The following PLD4 variants were observed in gnomAD, a reference collection of about 807,000 sequenced individuals.
PLD4 encodes the protein 5'-3' exonuclease PLD4.
In PLD4, 54 loss-of-function variants were observed where a neutral mutation model predicts 52.3. That is an observed-to-expected ratio of 1.03 (90% CI 0.83 to 1.30). The LOEUF is 1.30. Ranked by LOEUF, PLD4 falls within the 50% of genes most tolerant of loss-of-function variation. The pLI is 0.00. For synonymous variants in PLD4, 264 were observed against 286.5 expected (o/e 0.92, Z 0.79); for missense variants, 731 against 671.1 (o/e 1.09, Z -0.99).
chr14:104,933,267 G>A (rs1897721314), downstream of PLD4: 3 of 320,786 alleles, frequency 9.4e-6, no homozygotes, highest in Non-Finnish European at 1.7e-5. Context: ...CCGCGCGGGC[G>A]GCCCTTCATC....
At position 104,927,174 on chromosome 14, in the gene PLD4, C is replaced by G; in HGVS notation, c.34C>G (p.Pro12Ala). ...GCCTCTTTGGAAAGCAGCAGTGGCCCCCACATGGCCATGCTCCATGCCGCC... is the reference window on the plus strand; with the variant it reads ...GCCTCTTTGGAAAGCAGCAGTGGCCGCCACATGGCCATGCTCCATGCCGCC... Reference protein sequence around the residue: ...LKPLWKAAVAPTWPCSMPPRR... With the variant: ...LKPLWKAAVAATWPCSMPPRR... The change falls in exon 2 of 11, where the codon CCC becomes GCC. Residue 12 changes from proline to alanine, a missense_variant. By Grantham distance (27) the Pro-to-Ala change is conservative (BLOSUM62 -1). Transcript: ENST00000392593. 6.4e-7 allele frequency: 1 copy of G among 1,562,050 alleles called. No homozygotes were observed. The highest frequency in any genetic ancestry group is 8.7e-7 in the Non-Finnish European group (1 of 1,153,486).
rs1291312984 is a variant in PLD4, at chr14:104,932,160, A to C, written c.1207A>C (p.Asn403His). 1 of 1,611,124 alleles carries C rather than the reference A, an allele frequency of 6.2e-7. No homozygotes were observed. Residue 403 changes from asparagine (N) to histidine (H), a missense_variant, in exon 9 of 11, where the codon AAC becomes CAC. Coordinates refer to ENST00000392593, the MANE Select transcript of PLD4 (RefSeq NM_138790.5). This position sits in a 1 kb window ranked among gnomAD's most constrained non-coding sequence, Gnocchi z 6.5. Reference sequence around the variant, plus strand: ...GCAGGCGCTCAGCAACCCCGCGGCCAACGTCTCTGTGGACGTGGTGAGGGC... The same window carrying C: ...GCAGGCGCTCAGCAACCCCGCGGCCCACGTCTCTGTGGACGTGGTGAGGGC... ...SLQALSNPAANVSVDVKVFIV... is the reference protein window; with the variant it reads ...SLQALSNPAAHVSVDVKVFIV...
rs1246660377 is a variant in PLD4, at chr14:104,932,270, C to G, written c.1236C>G (p.Ile412Met). The change falls in exon 10 of 11, where the codon ATC becomes ATG. Residue 412 changes from isoleucine (I) to methionine (M), a missense_variant. Ile to Met is a conservative substitution (Grantham distance 10). Transcript: ENST00000392593. The surrounding 1 kb of genome is among the most constrained non-coding windows in gnomAD (Gnocchi z 6.5). Reference protein sequence around the residue: ...ANVSVDVKVFIVPVGNHSNIP... With the variant: ...ANVSVDVKVFMVPVGNHSNIP... ...TCTGCTCCCCTAAGAAAGTCTTCAT[C>G]GTGCCGGTGGGGAACCATTCCAACA... The G allele has an allele frequency of 6.2e-7, 1 of 1,612,688 alleles. No individual in the cohort carries two copies. Among genetic ancestry groups the G allele is most frequent in the Non-Finnish European group, 8.5e-7 (1 of 1,179,836 alleles).
chr14:104,928,015 A>C, intron 3 of PLD4, 149 bp downstream of exon 3: 1 of 925,294 alleles, frequency 1.1e-6, no homozygotes, highest in Non-Finnish European at 1.6e-6. Context: ...CCACGACCAT[A>C]TGAGCTGGAG....
intron 8 of PLD4, 48 bp from the exon 9 acceptor site, chr14:104,931,964 C>T: frequency 6.5e-7 from 1 of 1,530,540 alleles, no homozygotes; most frequent in Non-Finnish European, 8.8e-7. Context: ...GCTGGGACCC[C>T]TATCGGGCCC....
In PLD4 at chr14:104,928,822, C is replaced by G. The variant is rs745734042; in HGVS notation, c.358C>G (p.Gln120Glu). The G allele has an allele frequency of 3.1e-6, 5 of 1,611,868 alleles. No homozygotes were observed. Among genetic ancestry groups the G allele is most frequent in the Non-Finnish European group, 4.2e-6 (5 of 1,179,242 alleles). ...CAGCCCCTCTGCCCAGCCTCTGGGC[C>G]AGGCCTGGCTGCAGCTGCTGGACAC... ...AGSPSAQPLG[Q>E]AWLQLLDTAQ... The change falls in exon 4 of 11, where the codon CAG becomes GAG. Residue 120 changes from glutamine to glutamate, a missense_variant. Physicochemically the swap from Gln to Glu is conservative, Grantham distance 29. Coordinates refer to ENST00000392593, the MANE Select transcript of PLD4 (RefSeq NM_138790.5).
At chr14:104,930,403 C>T (rs1460721116) in intron 6 of PLD4, among the ~76,000 whole-genome samples, 2 of 152,180 alleles carry the variant, frequency 1.3e-5, no homozygotes, top group South Asian at 2.1e-4. Flanking sequence ...GCATGAAAAA[C>T]GTGTCAGAAT....
chr14:104,927,054 G>A (rs1897478774), intron 1 of PLD4, 87 bp from the exon 2 acceptor site: 1 of 1,278,150 alleles, frequency 7.8e-7, no homozygotes, highest in Non-Finnish European at 1.1e-6. Context: ...CTGTGCAGGG[G>A]TGTCCCCAGT....
At position 104,932,917 on chromosome 14, in the gene PLD4, G is replaced by T; in HGVS notation, c.1474G>T (p.Gly492Cys). Residue 492 changes from glycine to cysteine, a missense_variant, in exon 11 of 11, where the codon GGC (glycine) becomes TGC (cysteine). Physicochemically the swap from Gly to Cys is radical, Grantham distance 159. Transcript: ENST00000392593. This position sits in a 1 kb window ranked among gnomAD's most constrained non-coding sequence, Gnocchi z 6.5. ...ERDWSSRYAV[G>C]LDGQAPGQDC... ...GGACTGGAGTTCGCGCTACGCCGTCGGCCTGGACGGACAGGCTCCGGGCCA... is the reference window on the plus strand; with the variant it reads ...GGACTGGAGTTCGCGCTACGCCGTCTGCCTGGACGGACAGGCTCCGGGCCA... The T allele has an allele frequency of 1.9e-6, 3 of 1,601,690 alleles. No individual in the cohort carries two copies. Among genetic ancestry groups the T allele is most frequent in the Non-Finnish European group, 2.6e-6 (3 of 1,175,316 alleles).
In PLD4 at chr14:104,928,842, G is replaced by A. The variant is rs1346828151; in HGVS notation, c.378G>A (p.Leu126=). Residue 126 remains leucine, a synonymous_variant, in exon 4 of 11, where the codon CTG becomes CTA. Transcript: ENST00000392593. ...TGGGCCAGGCCTGGCTGCAGCTGCT[G>A]GACACTGCCCAGGAGAGCGTCCACG... ...QPLGQAWLQL[L]DTAQESVHVA... is the part of the protein sequence containing the mutation. 9.3e-6 allele frequency: 15 copies of A among 1,612,410 alleles called. No homozygotes were observed. In the Admixed American group the frequency reaches 1.5e-4, roughly 16 times the overall value.
At chr14:104,933,258 C>G (rs1897720947), downstream of PLD4, 2 of 331,916 alleles carry the variant, frequency 6.0e-6, no homozygotes, top group Admixed American at 9.8e-5. Context: ...GTGTGAGTCC[C>G]GCGCGGGCGG....
At chr14:104,926,212 G>C (rs948733363) in intron 1 of PLD4, among the ~76,000 whole-genome samples, 14 of 152,282 alleles carry the variant, frequency 9.2e-5, no homozygotes, top group Middle Eastern at 3.4e-3. Flanking sequence ...ATCCCAGCCA[G>C]GGGCCAGCCA....
At chr14:104,933,441 C>A (rs1402607298), downstream of PLD4, 1 of 153,524 alleles carries the variant, frequency 6.5e-6, no homozygotes, top group Non-Finnish European at 1.4e-5. Context: ...CCTCCCACCC[C>A]GCGCCGGGCT....
At chr14:104,925,839 C>T (rs969508287) in intron 1 of PLD4, among the ~76,000 whole-genome samples, 5 of 152,100 alleles carry the variant, frequency 3.3e-5, no homozygotes, top group African/African-American at 9.7e-5. Flanking sequence ...TGCAGGACCC[C>T]CCAGCGTGGG....
Position 104,931,906 on chromosome 14 carries a change from T to C in PLD4, c.1058+19T>C. 1 of 1,528,566 alleles carries C rather than the reference T, an allele frequency of 6.5e-7. No homozygotes were observed. Among genetic ancestry groups the C allele is most frequent in the East Asian group, 2.3e-5 (1 of 43,152 alleles). 94.7% of individuals were successfully genotyped at this position (1,528,566 alleles called of 1,614,324 possible). A position where few individuals can be genotyped will look rare whatever the true frequency, so the allele number is the denominator to read the frequency against. The stretch of plus-strand genomic sequence containing the variant: ...CCCCGAGGTAGGTCTGAGTGGGAGG[T>C]GGGCGGCCTGCTCTGCTGACGGGCA... On this transcript the variant is annotated intron_variant, in intron 8 of 10. Transcript: ENST00000392593.
chr14:104,931,110 G>A (rs928213680), intron 7 of PLD4, among the ~76,000 whole-genome samples, 168 bp downstream of exon 7: 9 of 152,314 alleles, frequency 5.9e-5, no homozygotes, highest in South Asian at 4.1e-4. Flanking sequence ...GCAGCAAGCA[G>A]GCTGGCATCA....
chr14:104,931,397 G>A (rs954586061), intron 7 of PLD4, among the ~76,000 whole-genome samples: 3 of 152,230 alleles, frequency 2.0e-5, no homozygotes, highest in Middle Eastern at 3.4e-3. Context: ...CCAGCCGAGG[G>A]ACTGGTCTGT....
Position 104,932,497 on chromosome 14 carries a change from G to A in PLD4, c.1321+142G>A. The A allele has an allele frequency of 7.1e-6, 7 of 991,592 alleles. No homozygotes were observed. The highest frequency in any genetic ancestry group is 1.0e-5 in the Non-Finnish European group (7 of 678,654). The allele number at this position is 991,592 out of a possible 1,614,324, so 61.4% of individuals were successfully genotyped here. ...GGACGGGGTCTCCATGGAGTTCCGG[G>A]GACCAGGCCACCCGCCTGTCACCTG... On this transcript the variant is annotated intron_variant, in intron 10 of 10. Coordinates refer to ENST00000392593, the MANE Select transcript of PLD4 (RefSeq NM_138790.5). The surrounding 1 kb of genome is among the most constrained non-coding windows in gnomAD (Gnocchi z 6.5).
downstream of PLD4, chr14:104,935,604 A>G (rs950274959): frequency 3.9e-5 from 6 of 152,222 alleles, no homozygotes; most frequent in Non-Finnish European, 7.3e-5. Flanking sequence ...CCAATAGAAT[A>G]CAGAGGTAAG....
Sources: allele counts gnomAD v4.1 joint callset (sites outside exome capture counted in the v4.1 genomes callset), GRCh38; gene constraint gnomAD v4.1.1; non-coding constraint Gnocchi (gnomAD v3.1); transcripts MANE v1.5; gene names NCBI Gene and HGNC (gene_info 2026-07-23, HGNC 2026-07-21).